RANBP2: variants seen among roughly 807,000 people sequenced by gnomAD.
The protein encoded by RANBP2 is RAN binding protein 2, also known as E3 SUMO-protein ligase RanBP2.
Under a neutral mutation model 303.6 loss-of-function variants are expected in RANBP2, and 57 were observed. The ratio of observed to expected loss-of-function variants is 0.19; its 90% confidence interval spans 0.15 to 0.23. The LOEUF (loss-of-function observed/expected upper bound fraction) is 0.23. Ranked by LOEUF, RANBP2 falls within the 10% of genes least tolerant of loss-of-function variation. The probability of loss-of-function intolerance (pLI) is 1.00; values close to 1 mark genes in which losing one functional copy is unlikely to be tolerated. For synonymous variants in RANBP2, 1,167 were observed against 1,301.5 expected (o/e 0.90, Z 2.23); for missense variants, 3,138 against 3,780.8 (o/e 0.83, Z 4.46).
the RANBP2 span, among the ~76,000 whole-genome samples, chr2:108,924,970 C>T: frequency 6.6e-6 from 1 of 152,248 alleles, no homozygotes; most frequent in African/African-American, 2.4e-5. Flanking sequence ...ATCTCAGGCT[C>T]CTAGGTGGCC....
At chr2:109,235,073 C>G in the RANBP2 span, among the ~76,000 whole-genome samples, 1 of 152,168 alleles carries the variant, frequency 6.6e-6, no homozygotes, top group Non-Finnish European at 1.5e-5. Context: ...TATGGTGAGG[C>G]AGAGCTTTAG....
At chr2:108,825,928 C>T in the RANBP2 span, among the ~76,000 whole-genome samples, 5 of 152,262 alleles carry the variant, frequency 3.3e-5, no homozygotes, top group East Asian at 3.9e-4. Flanking sequence ...TCAAAACATA[C>T]GGATTTAAAA....
chr2:109,643,038 G>C, the RANBP2 span, among the ~76,000 whole-genome samples: 6 of 151,874 alleles, frequency 4.0e-5, no homozygotes, highest in Admixed American at 6.6e-5. Flanking sequence ...AACATTAGCC[G>C]GGTGTGATGG....
chr2:109,139,484 G>A, the RANBP2 span, among the ~76,000 whole-genome samples: 5 of 152,194 alleles, frequency 3.3e-5, no homozygotes, highest in African/African-American at 1.2e-4. Flanking sequence ...CATCCCCCTT[G>A]TGCCTTCTGT....
At chr2:109,048,339 T>C in the RANBP2 span, among the ~76,000 whole-genome samples, 1 of 152,206 alleles carries the variant, frequency 6.6e-6, no homozygotes, top group Admixed American at 6.5e-5. Flanking sequence ...TATAATACCA[T>C]GGGGACATTA....
chr2:108,977,478 G>A, the RANBP2 span, among the ~76,000 whole-genome samples: 2 of 152,092 alleles, frequency 1.3e-5, no homozygotes, highest in African/African-American at 4.8e-5. Context: ...CACTGTGTTC[G>A]CCAGGATGGT....
the RANBP2 span, among the ~76,000 whole-genome samples, chr2:109,078,152 C>T: frequency 2.2e-4 from 14 of 64,476 alleles, no homozygotes; most frequent in African/African-American, 5.1e-4. Flanking sequence ...ATATATATAG[C>T]ATGTATATAT....
chr2:108,734,792 G>A (rs1221565435), intron 4 of RANBP2, among the ~76,000 whole-genome samples: 4 of 151,954 alleles, frequency 2.6e-5, no homozygotes, highest in Non-Finnish European at 4.4e-5. Flanking sequence ...AGTGGCAAGT[G>A]GATGGTTGAG....
chr2:109,150,765 A>G, the RANBP2 span, among the ~76,000 whole-genome samples: 3 of 152,058 alleles, frequency 2.0e-5, no homozygotes, highest in Non-Finnish European at 2.9e-5. Flanking sequence ...TTCTGTTCTG[A>G]TCTCCTCAAA....
chr2:109,536,446 T>C, the RANBP2 span, among the ~76,000 whole-genome samples: 1 of 152,180 alleles, frequency 6.6e-6, no homozygotes, highest in Non-Finnish European at 1.5e-5. Context: ...GTAGCCCCTT[T>C]CTTTTGGCCA....
chr2:108,794,599 G>A, the RANBP2 span: 3 of 1,613,948 alleles, frequency 1.9e-6, no homozygotes, highest in Non-Finnish European at 2.5e-6. Flanking sequence ...TAGTGATGCA[G>A]GTGACTCTCC....
the RANBP2 span, among the ~76,000 whole-genome samples, chr2:109,464,370 A>T: frequency 6.6e-6 from 1 of 152,280 alleles, no homozygotes; most frequent in Non-Finnish European, 1.5e-5. Flanking sequence ...AAGCATATTT[A>T]TGTATATACA....
the RANBP2 span, among the ~76,000 whole-genome samples, chr2:109,085,555 A>C: frequency 6.7e-6 from 1 of 149,426 alleles, no homozygotes; most frequent in African/African-American, 2.5e-5. Context: ...CGCCTGCCTC[A>C]GCCTCCCAAA....
the RANBP2 span, among the ~76,000 whole-genome samples, chr2:109,104,464 G>GT: frequency 3.1e-4 from 45 of 147,094 alleles, no homozygotes; most frequent in South Asian, 8.8e-4. Context: ...GAGGGATTAG[G>GT]TTTTTTTTTT....
chr2:109,227,624 G>T, the RANBP2 span, among the ~76,000 whole-genome samples: 1 of 152,176 alleles, frequency 6.6e-6, no homozygotes, highest in Non-Finnish European at 1.5e-5. Context: ...CCTGGATCTG[G>T]CCTGGCCATG....
chr2:109,539,135 T>C, the RANBP2 span, among the ~76,000 whole-genome samples: 1 of 151,908 alleles, frequency 6.6e-6, no homozygotes, highest in African/African-American at 2.4e-5. Flanking sequence ...CCGTCTCTAC[T>C]AAAAATACAA....
chr2:108,782,134 G>T lies in RANBP2; in HGVS notation c.8767G>T (p.Val2923Leu). 6.2e-7 allele frequency: 1 copy of T among 1,614,066 alleles called. No homozygotes were observed. Among genetic ancestry groups the T allele is most frequent in the South Asian group, 1.1e-5 (1 of 91,064 alleles). The change falls in exon 27 of 29, where the codon GTA becomes TTA. Residue 2923 changes from valine to leucine, a missense_variant. By Grantham distance (32) the Val-to-Leu change is conservative. Coordinates refer to ENST00000283195, the MANE Select transcript of RANBP2 (RefSeq NM_006267.5). ...ATTTCATCTCCTATTATAGGTAGAA[G>T]TAAAATCTGGAGAAGAAGATGAAGA... ...EPIVSLPEVE[V>L]KSGEEDEEIL...
chr2:109,278,229 C>T, the RANBP2 span, among the ~76,000 whole-genome samples: 1 of 152,058 alleles, frequency 6.6e-6, no homozygotes, highest in African/African-American at 2.4e-5. Context: ...TCTCTGCACT[C>T]CTTTGTGGAG....
At chr2:109,423,788 T>C in the RANBP2 span, among the ~76,000 whole-genome samples, 1 of 152,108 alleles carries the variant, frequency 6.6e-6, no homozygotes, top group African/African-American at 2.4e-5. Flanking sequence ...TACAGACAGA[T>C]GCGACCAAGA....
Sources: allele counts gnomAD v4.1 joint callset (sites outside exome capture counted in the v4.1 genomes callset), GRCh38; gene constraint gnomAD v4.1.1; transcripts MANE v1.5; gene names NCBI Gene and HGNC (gene_info 2026-07-23, HGNC 2026-07-21).